Variants in LUZP2 observed in about 807,000 individuals in gnomAD.
The protein encoded by LUZP2 is leucine zipper protein 2.
In LUZP2, 52 loss-of-function variants were observed where a neutral mutation model predicts 51.6. That is an observed-to-expected ratio of 1.01 (90% confidence interval 0.81 to 1.27). LUZP2 has a LOEUF of 1.27. Among genes scored for constraint, LUZP2 ranks in the 50% most tolerant of loss-of-function variants. LUZP2 has a pLI of 0.00. For missense variants in LUZP2, 436 were observed against 395.4 expected, an observed-to-expected ratio of 1.10 and a Z score of -0.87; for synonymous variants, 154 against 137.3, an observed-to-expected ratio of 1.12 and a Z score of -0.85.
chr11:25,010,178 A>G (rs1856941901), intron 9 of LUZP2, among the ~76,000 whole-genome samples: 1 of 152,180 alleles, frequency 6.6e-6, no homozygotes, highest in Non-Finnish European at 1.5e-5. Flanking sequence ...ATTCAAGCAT[A>G]TGCTGCTATT....
chr11:24,992,599 A>G (rs889973946), intron 9 of LUZP2, among the ~76,000 whole-genome samples: 2 of 152,194 alleles, frequency 1.3e-5, no homozygotes, highest in African/African-American at 4.8e-5. Context: ...TTGTTGAATG[A>G]ATAAATGAAT....
At chr11:24,672,711 C>T (rs560088408) in intron 1 of LUZP2, among the ~76,000 whole-genome samples, 4 of 152,304 alleles carry the variant, frequency 2.6e-5, no homozygotes, top group Middle Eastern at 3.4e-3. Context: ...TACTTACACA[C>T]ACCTAGAAGG....
chr11:24,589,484 G>A (rs907331359), intron 1 of LUZP2, among the ~76,000 whole-genome samples: 3 of 152,106 alleles, frequency 2.0e-5, no homozygotes, highest in Non-Finnish European at 4.4e-5. Flanking sequence ...TGCAATTTAA[G>A]TGCAAATTAT....
chr11:24,672,529 C>T (rs1045412120), intron 1 of LUZP2, among the ~76,000 whole-genome samples: 4 of 152,022 alleles, frequency 2.6e-5, no homozygotes, highest in Non-Finnish European at 5.9e-5. Context: ...TAAGATGAAG[C>T]GCATTCTCCA....
chr11:24,520,807 A>C (rs536550906), intron 1 of LUZP2, among the ~76,000 whole-genome samples: 2 of 152,334 alleles, frequency 1.3e-5, no homozygotes, highest in South Asian at 2.1e-4. Flanking sequence ...ACTAATTACC[A>C]GTCCCAAGAG....
At chr11:25,001,124 C>T (rs1856670617) in intron 9 of LUZP2, among the ~76,000 whole-genome samples, 1 of 152,170 alleles carries the variant, frequency 6.6e-6, no homozygotes, top group East Asian at 1.9e-4. Flanking sequence ...TTAGCAAACT[C>T]TACTTTTGTT....
intron 1 of LUZP2, among the ~76,000 whole-genome samples, chr11:24,576,378 A>G (rs1052263089): frequency 4.1e-4 from 56 of 135,952 alleles, no homozygotes; most frequent in African/African-American, 1.6e-3. Flanking sequence ...ATGCCATTGC[A>G]CTCCAGCCTG....
At chr11:24,786,659 A>AATATGTAAATATGTATATTATGTATTT (rs1849255433) in intron 5 of LUZP2, 3 of 16,322 alleles carry the variant, frequency 1.8e-4, no homozygotes, top group African/African-American at 5.3e-4. Flanking sequence ...ATAGGTATAT[A>AATATGTAAATATGTATATTATGTATTT]ATATATAAAT....
At chr11:24,985,632 G>A (rs886454070) in intron 9 of LUZP2, among the ~76,000 whole-genome samples, 1 of 151,702 alleles carries the variant, frequency 6.6e-6, no homozygotes, top group Non-Finnish European at 1.5e-5. Flanking sequence ...GACTAAATGG[G>A]AAGCATGAAG....
chr11:25,050,089 A>G lies in LUZP2; in HGVS notation c.817A>G (p.Lys273Glu). ...TGAGAGCTCTCAAGTTGAGTCAACA[A>G]AGGAAGGAAATCCAAGTACCACTGC... ...NNESSQVESTKEGNPSTTACD... is the reference protein window; with the variant it reads ...NNESSQVESTEEGNPSTTACD... Residue 273 changes from lysine (K) to glutamate (E), a missense_variant, in exon 10 of 12, where the codon AAG becomes GAG. By Grantham distance (56) the Lys-to-Glu change is moderately conservative. Coordinates refer to ENST00000336930, the MANE Select transcript of LUZP2 (RefSeq NM_001009909.4). 6.2e-7 allele frequency: 1 copy of G among 1,600,430 alleles called. No homozygotes were observed. Among genetic ancestry groups the G allele is most frequent in the East Asian group, 2.3e-5 (1 of 43,994 alleles).
intron 10 of LUZP2, among the ~76,000 whole-genome samples, chr11:25,058,537 T>A (rs915288916): frequency 7.2e-5 from 11 of 152,342 alleles, no homozygotes; most frequent in Non-Finnish European, 1.0e-4. Flanking sequence ...CCATTGTCCT[T>A]GCTGGATGAA....
intron 9 of LUZP2, among the ~76,000 whole-genome samples, chr11:25,039,791 T>G (rs937277152): frequency 3.3e-5 from 5 of 152,168 alleles, no homozygotes; most frequent in African/African-American, 7.2e-5. Context: ...ATTTTTAAAA[T>G]TTTTTATTGC....
chr11:24,888,967 T>C (rs1165499672), intron 5 of LUZP2, among the ~76,000 whole-genome samples: 10 of 152,144 alleles, frequency 6.6e-5, no homozygotes, highest in Admixed American at 2.6e-4. Flanking sequence ...TGCTGAACTG[T>C]GAGTCAGTTA....
chr11:24,885,389 G>T (rs949009367), intron 5 of LUZP2, among the ~76,000 whole-genome samples: 1 of 152,020 alleles, frequency 6.6e-6, no homozygotes, highest in African/African-American at 2.4e-5. Context: ...GTTGAAGTTG[G>T]TCATGATATT....
intron 5 of LUZP2, among the ~76,000 whole-genome samples, chr11:24,863,785 C>T (rs1851808038): frequency 6.6e-6 from 1 of 152,170 alleles, no homozygotes; most frequent in Non-Finnish European, 1.5e-5. Context: ...GTTCATTCTT[C>T]ACTCAACCTC....
chr11:25,035,267 G>T lies in LUZP2; in HGVS notation c.766-14771G>T, dbSNP rs79826155. Among the ~76,000 whole-genome samples, 1,194 of 152,082 alleles carry T rather than the reference G, an allele frequency of 7.9e-3. 33 individuals carry two copies. In the East Asian group the frequency reaches 0.099, roughly 13 times the overall value. ...AACTATTTTTCTTTGCTGATAATAT[G>T]ATTCTTTACTTAGAAAATCATAAAA... is the stretch of plus-strand genomic sequence containing the variant. On this transcript the variant is annotated intron_variant, in intron 9 of 11. Coordinates refer to ENST00000336930, the MANE Select transcript of LUZP2 (RefSeq NM_001009909.4).
At chr11:24,526,265 C>CAAAA (rs71041769) in intron 1 of LUZP2, among the ~76,000 whole-genome samples, 1 of 141,238 alleles carries the variant, frequency 7.1e-6, no homozygotes, top group Non-Finnish European at 1.6e-5. Context: ...CACTAGGGGG[C>CAAAA]AAAAAAAAAA....
At chr11:24,782,848 T>G (rs1849132516) in intron 5 of LUZP2, among the ~76,000 whole-genome samples, 2 of 152,048 alleles carry the variant, frequency 1.3e-5, no homozygotes, top group African/African-American at 4.8e-5. Context: ...ATGACAAGCC[T>G]TTTATATACA....
At chr11:24,800,104 T>A (rs1248120519) in intron 5 of LUZP2, among the ~76,000 whole-genome samples, 2 of 152,162 alleles carry the variant, frequency 1.3e-5, no homozygotes, top group African/African-American at 4.8e-5. Context: ...CATAATTTGC[T>A]ATCCACCCGC....
Sources: gnomAD v4.1 joint callset for allele counts (sites outside exome capture counted in the v4.1 genomes callset) on GRCh38, gnomAD v4.1.1 for gene constraint, MANE v1.5 for transcripts, NCBI Gene and HGNC (gene_info 2026-07-23, HGNC 2026-07-21) for gene names.